The following DESI2 variants were observed in gnomAD, a reference collection of about 807,000 sequenced individuals.
DESI2 encodes the protein desumoylating isopeptidase 2.
Under a neutral mutation model 24.1 loss-of-function variants are expected in DESI2, and 10 were observed. The observed-to-expected ratio is 0.41, with a 90% CI of 0.26 to 0.70. The LOEUF (loss-of-function observed/expected upper bound fraction) is 0.70, where lower values mean the gene tolerates loss of function less well. Ranked by LOEUF, DESI2 falls within the 30% of genes least tolerant of loss-of-function variation. The pLI is 0.29. For synonymous variants in DESI2, 71 were observed against 87.7 expected (o/e 0.81, Z 1.06); for missense variants, 122 against 234.9 (o/e 0.52, Z 3.14).
intron 4 of DESI2, among the ~76,000 whole-genome samples, chr1:244,693,946 C>A (rs372772618): frequency 6.6e-6 from 1 of 152,184 alleles, no homozygotes; most frequent in East Asian, 1.9e-4. Flanking sequence ...ATGATAGATG[C>A]AACTCCCATA....
rs1363994560 is a variant in DESI2, at chr1:244,664,372, AAATC to A, written c.42+11020_42+11023del. On this transcript the variant is annotated intron_variant, in intron 1 of 4. Coordinates refer to ENST00000302550, the MANE Select transcript of DESI2 (RefSeq NM_016076.5). ...TTCATTAAGATGTATTATTGGGAGA[AAATC>A]AAACCTACAGGGAAAAGAGCAACGA... Among the ~76,000 whole-genome samples, 8 of 152,310 alleles carry A rather than the reference AAATC, an allele frequency of 5.3e-5. No homozygotes were observed. In the East Asian group the frequency reaches 1.5e-3, roughly 29 times the overall value.
chr1:244,655,179 G>T (rs1675603920), intron 1 of DESI2, among the ~76,000 whole-genome samples: 1 of 152,186 alleles, frequency 6.6e-6, no homozygotes, highest in South Asian at 2.1e-4. Context: ...TAATGAGCGA[G>T]ATCTTATTCT....
Position 244,681,920 on chromosome 1 carries a change from G to A in DESI2, c.43-4677G>A, listed in dbSNP as rs561660148. On this transcript the variant is annotated intron_variant, in intron 1 of 4. Coordinates refer to ENST00000302550, the MANE Select transcript of DESI2 (RefSeq NM_016076.5). Reference sequence around the variant, plus strand: ...TCTCACTGACTTCAAGAATGAAGCCGCAGACCCTCGTGGTGAGTGTTAAGT... The same window carrying A: ...TCTCACTGACTTCAAGAATGAAGCCACAGACCCTCGTGGTGAGTGTTAAGT... Among the ~76,000 whole-genome samples, 7 of 152,246 alleles carry A rather than the reference G, an allele frequency of 4.6e-5. No individual in the cohort carries two copies. In the South Asian group the frequency reaches 6.2e-4, roughly 14 times the overall value.
chr1:244,684,675 A>G lies in DESI2; in HGVS notation c.43-1922A>G, dbSNP rs144547693. Among the ~76,000 whole-genome samples, 19 of 152,278 alleles carry G rather than the reference A, an allele frequency of 1.2e-4. No homozygotes were observed. In the East Asian group the frequency reaches 3.7e-3, roughly 29 times the overall value. ...TGATAGTTTATAATATGAATGTACCATAATTAGCCATTTCTCTATTGATAT... is the reference window on the plus strand; with the variant it reads ...TGATAGTTTATAATATGAATGTACCGTAATTAGCCATTTCTCTATTGATAT... On this transcript the variant is annotated intron_variant, in intron 1 of 4. Coordinates refer to ENST00000302550, the MANE Select transcript of DESI2 (RefSeq NM_016076.5).
At chr1:244,698,817 C>T (rs1010144058) in intron 4 of DESI2, among the ~76,000 whole-genome samples, 1 of 152,180 alleles carries the variant, frequency 6.6e-6, no homozygotes, top group Non-Finnish European at 1.5e-5. Context: ...CCATGGGAAC[C>T]GGCTTCTCTG....
At position 244,689,436 on chromosome 1, in the gene DESI2, A is replaced by C. The variant is rs1676941341; in HGVS notation, c.209+94A>C. On this transcript the variant is annotated intron_variant, in intron 3 of 4. Coordinates refer to ENST00000302550, the MANE Select transcript of DESI2 (RefSeq NM_016076.5). This position sits in a 1 kb window ranked among gnomAD's most constrained non-coding sequence, Gnocchi z 4.0. ...TCATTCTGTAAATCAAAACAAACCC[A>C]AGAAGTTAAAAATGTCTCTTTGTTT... is the stretch of plus-strand genomic sequence containing the variant. The C allele has an allele frequency of 3.2e-6, 2 of 618,108 alleles. No homozygotes were observed. The highest frequency in any genetic ancestry group is 3.8e-5 in the African/African-American group (2 of 52,748). The allele number at this position is 618,108 out of a possible 1,614,324, so 38.3% of individuals were successfully genotyped here. A position where few individuals can be genotyped will look rare whatever the true frequency, so the allele number is the denominator to read the frequency against.
rs149620118 is a variant in DESI2, at chr1:244,663,966, C to T, written c.42+10611C>T. Among the ~76,000 whole-genome samples, 137 of 143,658 alleles carry T rather than the reference C, an allele frequency of 9.5e-4. No individual in the cohort carries two copies. In the East Asian group the frequency reaches 0.026, roughly 27 times the overall value. The allele number at this position is 143,658 out of a possible 152,430, so 94.2% of individuals were successfully genotyped here. A position where few individuals can be genotyped will look rare whatever the true frequency, so the allele number is the denominator to read the frequency against. On this transcript the variant is annotated intron_variant, in intron 1 of 4. Coordinates refer to ENST00000302550, the MANE Select transcript of DESI2 (RefSeq NM_016076.5). ...CTGGGAGGCGGAGGTTGCAGTGAGC[C>T]GAGATTGCGCCACTGCACGCCAGCC...
At chr1:244,705,415 A>G in intron 4 of DESI2, 141 bp from the exon 5 acceptor site, 1 of 642,022 alleles carries the variant, frequency 1.6e-6, no homozygotes, top group East Asian at 2.7e-5. Flanking sequence ...TGTTATCAAA[A>G]GCCTGGAGTG....
chr1:244,680,515 G>T (rs542717167), intron 1 of DESI2, among the ~76,000 whole-genome samples: 1 of 151,972 alleles, frequency 6.6e-6, no homozygotes, highest in African/African-American at 2.4e-5. Context: ...TTGTCTTCTG[G>T]TTTAACACAT....
chr1:244,673,455 G>A (rs1403074092), intron 1 of DESI2, among the ~76,000 whole-genome samples: 3 of 152,180 alleles, frequency 2.0e-5, no homozygotes, highest in African/African-American at 7.2e-5. Flanking sequence ...GTTTTCTTCT[G>A]CTCTTGATAT....
Position 244,705,937 on chromosome 1 carries a change from A to G in DESI2, c.*148A>G, listed in dbSNP as rs1166090350. 1.1e-4 allele frequency: 72 copies of G among 638,556 alleles called. No individual in the cohort carries two copies. The highest frequency in any genetic ancestry group is 2.7e-5 in the Non-Finnish European group (10 of 375,836). The allele number at this position is 638,556 out of a possible 1,614,324, so 39.6% of individuals were successfully genotyped here. ...TTTTCAGCTCAGGATTATATTTGTA[A>G]TCAAAAAAAAAAAATCACTTGGCGC... On this transcript the variant is annotated 3_prime_UTR_variant, in exon 5 of 5. Transcript: ENST00000302550.
chr1:244,666,930 C>G (rs1018620283), intron 1 of DESI2, among the ~76,000 whole-genome samples: 3 of 152,114 alleles, frequency 2.0e-5, no homozygotes, highest in African/African-American at 7.2e-5. Flanking sequence ...ATAAACCCAT[C>G]AGATCTCGTG....
chr1:244,654,103 G>A (rs1249784619), intron 1 of DESI2: 4 of 453,086 alleles, frequency 8.8e-6, no homozygotes, highest in Non-Finnish European at 1.8e-5. Flanking sequence ...TTGGAGTATG[G>A]CAAGCACGCA....
At chr1:244,673,003 A>G (rs1044314637) in intron 1 of DESI2, among the ~76,000 whole-genome samples, 2 of 152,154 alleles carry the variant, frequency 1.3e-5, no homozygotes, top group African/African-American at 2.4e-5. Context: ...CAGTTCTCAT[A>G]TGCTTTTTTG....
chr1:244,704,879 C>T (rs1483625041), intron 4 of DESI2, among the ~76,000 whole-genome samples: 1 of 152,154 alleles, frequency 6.6e-6, no homozygotes. Context: ...AGGCTGGTCT[C>T]GAACTCCTGA....
chr1:244,671,691 A>G (rs1425108447), intron 1 of DESI2, among the ~76,000 whole-genome samples: 1 of 152,228 alleles, frequency 6.6e-6, no homozygotes, highest in Non-Finnish European at 1.5e-5. Flanking sequence ...AATCTTGCTA[A>G]CATCCAGTTA....
intron 1 of DESI2, among the ~76,000 whole-genome samples, chr1:244,660,417 C>T (rs1219329171): frequency 6.6e-6 from 1 of 152,200 alleles, no homozygotes; most frequent in African/African-American, 2.4e-5. Context: ...CCACCTGCCT[C>T]GGCCGCCCAA....
intron 1 of DESI2, among the ~76,000 whole-genome samples, chr1:244,683,504 G>A (rs564746812): frequency 1.3e-4 from 20 of 152,008 alleles, no homozygotes; most frequent in South Asian, 8.3e-4. Context: ...GTAGAGACAG[G>A]GTTTCACCAT....
chr1:244,697,382 AC>A (rs1425220336), intron 4 of DESI2, among the ~76,000 whole-genome samples: 2 of 150,970 alleles, frequency 1.3e-5, no homozygotes, highest in African/African-American at 4.9e-5. Context: ...TGTGGCACAC[AC>A]CTGTAATCCC....
Sources: allele counts gnomAD v4.1 joint callset (sites outside exome capture counted in the v4.1 genomes callset), GRCh38; gene constraint gnomAD v4.1.1; non-coding constraint Gnocchi (gnomAD v3.1); transcripts MANE v1.5; gene names NCBI Gene and HGNC (gene_info 2026-07-23, HGNC 2026-07-21).